ZNF579: variants seen among roughly 807,000 people sequenced by gnomAD.
The protein encoded by ZNF579 is zinc finger protein 579.
In ZNF579, 3 loss-of-function variants were observed where a neutral mutation model predicts 5.7. The ratio of observed to expected loss-of-function variants is 0.53; its 90% CI spans 0.24 to 1.36. The LOEUF is 1.36. ZNF579 is among the 40% of genes most tolerant of loss of function. The pLI is 0.16. For synonymous variants in ZNF579, 454 were observed against 409.0 expected (o/e 1.11, Z -1.33); for missense variants, 679 against 877.6 (o/e 0.77, Z 2.86).
rs1043189946 is a variant in ZNF579, at chr19:55,579,432, G to A, written c.208C>T (p.Arg70Trp). Residue 70 changes from arginine to tryptophan, a missense_variant, in exon 2 of 2, where the codon CGG becomes TGG. Around this residue, in one of 6 missense-constraint regions of ZNF579, gnomAD observed 134 missense variants for 208.9 expected, o/e 0.64. Transcript: ENST00000325421. ...GGGCACAGCGGGCAGGCGTGGGGCC[G>A]GAGCCCCGAGTGGCTCAGCCGGTGC... ...SRHRLSHSGL[R>W]PHACPLCPKA... 3.0e-6 allele frequency: 4 copies of A among 1,336,438 alleles called. No homozygotes were observed. The highest frequency in any genetic ancestry group is 3.8e-6 in the Non-Finnish European group (4 of 1,041,660). 82.8% of individuals were successfully genotyped at this position (1,336,438 alleles called of 1,614,324 possible).
chr19:55,579,001 C>T lies in ZNF579; in HGVS notation c.639G>A (p.Ala213=). The T allele has an allele frequency of 6.5e-7, 1 of 1,531,552 alleles. No homozygotes were observed. The highest frequency in any genetic ancestry group is 1.2e-5 in the South Asian group (1 of 83,232). 94.9% of individuals were successfully genotyped at this position (1,531,552 alleles called of 1,614,324 possible). ...CCTGTTTCTCCTCCTGCCGCCCGGC[C>T]GCCAGCGCCAGCTCGGCCCTCAGCT... ...AAELRAELAL[A]AGRQEEKQVL... Residue 213 remains alanine (A), a synonymous_variant, in exon 2 of 2, where the codon GCG becomes GCA. Transcript: ENST00000325421.
chr19:55,578,393 C>G lies in ZNF579; in HGVS notation c.1247G>C (p.Arg416Pro). The change falls in exon 2 of 2, where the codon CGC becomes CCC. Residue 416 changes from arginine (R) to proline (P), a missense_variant. Arg to Pro is a moderately radical substitution (Grantham distance 103, BLOSUM62 -2). Coordinates refer to ENST00000325421, the MANE Select transcript of ZNF579 (RefSeq NM_152600.3). ...HSGARPFQCV[R>P]CQREFKRLAD... is the part of the protein sequence containing the mutation. ...CAGGCGCTTGAACTCCCGCTGGCAG[C>G]GCACGCACTGGAAGGGGCGCGCTCC... is the stretch of plus-strand genomic sequence containing the variant. The G allele has an allele frequency of 6.8e-7, 1 of 1,474,606 alleles. No homozygotes were observed. The highest frequency in any genetic ancestry group is 8.9e-7 in the Non-Finnish European group (1 of 1,121,464). 91.3% of individuals were successfully genotyped at this position (1,474,606 alleles called of 1,614,324 possible). A position where few individuals can be genotyped will look rare whatever the true frequency, so the allele number is the denominator to read the frequency against.
At position 55,578,199 on chromosome 19, in the gene ZNF579, G is replaced by A. The variant is rs377689274; in HGVS notation, c.1441C>T (p.Pro481Ser). ...GGCGGGGGCGGTGGCGGCGACGTCG[G>A]GGCCTGGGCCTGCAGTGCCTGCAGC... ...AALQALQAQA[P>S]TSPPPPPPPL... is the part of the protein sequence containing the mutation. Residue 481 changes from proline to serine, a missense_variant, in exon 2 of 2, where the codon CCG becomes TCG. By Grantham distance (74) the Pro-to-Ser change is moderately conservative. Transcript: ENST00000325421. The A allele has an allele frequency of 1.3e-4, 193 of 1,480,500 alleles. 1 individual carries two copies. The Middle Eastern group carries it at 5.0e-3, about 38-fold the overall frequency. 91.7% of individuals were successfully genotyped at this position (1,480,500 alleles called of 1,614,324 possible). A position where few individuals can be genotyped will look rare whatever the true frequency, so the allele number is the denominator to read the frequency against.
intron 1 of ZNF579, 33 bp downstream of exon 1, chr19:55,580,762 G>A (rs906648237): frequency 3.3e-5 from 5 of 152,548 alleles, no homozygotes; most frequent in Admixed American, 2.6e-4. Context: ...TGGGCCTGGG[G>A]CTTGGTCCTG....
At chr19:55,579,803 C>T (rs1979587030) in intron 1 of ZNF579, 162 bp from the exon 2 acceptor site, 1 of 736,428 alleles carries the variant, frequency 1.4e-6, no homozygotes, top group Non-Finnish European at 1.9e-6. Context: ...ATGAGAGACA[C>T]CGAGGGGAGG....
Position 55,578,854 on chromosome 19 carries a change from C to T in ZNF579, c.786G>A (p.Gly262=). Residue 262 remains glycine (G), a synonymous_variant, in exon 2 of 2, where the codon GGG becomes GGA. Coordinates refer to ENST00000325421, the MANE Select transcript of ZNF579 (RefSeq NM_152600.3). The part of the protein sequence containing the change: ...RPEGEQEGEG[G]PPPRPKRHQC... ...GGTGTCGCTTGGGGCGTGGCGGGGG[C>T]CCCCCTTCCCCTTCCTGTTCGCCCT... The T allele has an allele frequency of 2.5e-6, 4 of 1,581,636 alleles. No individual in the cohort carries two copies. Among genetic ancestry groups the T allele is most frequent in the Non-Finnish European group, 3.4e-6 (4 of 1,164,706 alleles).
chr19:55,579,052 C>A lies in ZNF579; in HGVS notation c.588G>T (p.Ser196=). The change falls in exon 2 of 2, where the codon TCG becomes TCT. Residue 196 remains serine, a synonymous_variant. Transcript: ENST00000325421. ...TSAAEPRESE[S]EEAEAGAAEL... ...CTGCTGCCCCGGCCTCGGCCTCCTC[C>A]GACTCCGACTCCCGGGGCTCCGCGG... 6.5e-7 allele frequency: 1 copy of A among 1,529,928 alleles called. No individual in the cohort carries two copies. The highest frequency in any genetic ancestry group is 8.7e-7 in the Non-Finnish European group (1 of 1,144,594). 94.8% of individuals were successfully genotyped at this position (1,529,928 alleles called of 1,614,324 possible). A position where few individuals can be genotyped will look rare whatever the true frequency, so the allele number is the denominator to read the frequency against.
At position 55,579,107 on chromosome 19, in the gene ZNF579, TC is replaced by T; in HGVS notation, c.532del (p.Glu178SerfsTer29). On this transcript the variant is annotated frameshift_variant, in exon 2 of 2. Transcript: ENST00000325421. LOFTEE classifies it low-confidence loss of function (END_TRUNC). ...AAWPETWPAG[E>X]PSTLAAPTSA... ...GGTGGGCGCAGCCAGCGTGGAAGGCTCCCCCGCAGGCCACGTCTCAGGCCAC... is the reference window on the plus strand; with the variant it reads ...GGTGGGCGCAGCCAGCGTGGAAGGCTCCCCGCAGGCCACGTCTCAGGCCAC... 2 of 1,526,850 alleles carry T rather than the reference TC, an allele frequency of 1.3e-6. No individual in the cohort carries two copies. Among genetic ancestry groups the T allele is most frequent in the East Asian group, 2.5e-5 (1 of 40,100 alleles). 94.6% of individuals were successfully genotyped at this position (1,526,850 alleles called of 1,614,324 possible). A position where few individuals can be genotyped will look rare whatever the true frequency, so the allele number is the denominator to read the frequency against.
chr19:55,577,670 C>CGGGG lies in ZNF579; in HGVS notation c.*280_*281insCCCC. ...ACGGGGGACAGGGAGGCGGGGGCGTCCCCACCAGTCTCCATCCCTCTGGCC... is the reference window on the plus strand; with the variant it reads ...ACGGGGGACAGGGAGGCGGGGGCGTCGGGGCCCACCAGTCTCCATCCCTCTGGCC... On this transcript the variant is annotated 3_prime_UTR_variant, in exon 2 of 2. Transcript: ENST00000325421. 2.2e-6 allele frequency: 1 copy of CGGGG among 449,414 alleles called. No homozygotes were observed. Among genetic ancestry groups the CGGGG allele is most frequent in the South Asian group, 2.8e-5 (1 of 36,250 alleles). 27.8% of individuals were successfully genotyped at this position (449,414 alleles called of 1,614,324 possible).
chr19:55,579,176 G>C lies in ZNF579; in HGVS notation c.464C>G (p.Thr155Ser). ...CTCCGTGGCCCCTGCTGCAGCGGTG[G>C]TGGGCGGCTCCGAGCCCTCGTCCTG... is the stretch of plus-strand genomic sequence containing the variant. ...GPQDEGSEPP[T>S]TAAAGATEEE... Residue 155 changes from threonine to serine, a missense_variant, in exon 2 of 2, where the codon ACC becomes AGC. By Grantham distance (58) the Thr-to-Ser change is moderately conservative. Transcript: ENST00000325421. 1 of 1,525,752 alleles carries C rather than the reference G, an allele frequency of 6.6e-7. No individual in the cohort carries two copies. Among genetic ancestry groups the C allele is most frequent in the Non-Finnish European group, 8.8e-7 (1 of 1,142,222 alleles). 94.5% of individuals were successfully genotyped at this position (1,525,752 alleles called of 1,614,324 possible).
chr19:55,578,867 T>G lies in ZNF579; in HGVS notation c.773A>C (p.Glu258Ala). 6.3e-7 allele frequency: 1 copy of G among 1,598,464 alleles called. No homozygotes were observed. The highest frequency in any genetic ancestry group is 8.5e-7 in the Non-Finnish European group (1 of 1,172,404). Residue 258 changes from glutamate to alanine, a missense_variant, in exon 2 of 2, where the codon GAA (glutamate) becomes GCA (alanine). Glu to Ala is a moderately radical substitution (Grantham distance 107, BLOSUM62 -1). Around this residue, in one of 6 missense-constraint regions of ZNF579, gnomAD observed 209 missense variants for 223.4 expected, o/e 0.94. Transcript: ENST00000325421. Reference protein sequence around the residue: ...HPCLRPEGEQEGEGGPPPRPK... With the variant: ...HPCLRPEGEQAGEGGPPPRPK... ...GCGTGGCGGGGGCCCCCCTTCCCCT[T>G]CCTGTTCGCCCTCGGGGCGCAGACA...
chr19:55,578,880 C>T lies in ZNF579; in HGVS notation c.760G>A (p.Glu254Lys), dbSNP rs561063656. 6.3e-7 allele frequency: 1 copy of T among 1,596,052 alleles called. No individual in the cohort carries two copies. Among genetic ancestry groups the T allele is most frequent in the Admixed American group, 1.7e-5 (1 of 57,806 alleles). ...CCCCCTTCCCCTTCCTGTTCGCCCTCGGGGCGCAGACACGGGTGCGCCTTG... is the reference window on the plus strand; with the variant it reads ...CCCCCTTCCCCTTCCTGTTCGCCCTTGGGGCGCAGACACGGGTGCGCCTTG... ...ELKAHPCLRPEGEQEGEGGPP... is the reference protein window; with the variant it reads ...ELKAHPCLRPKGEQEGEGGPP... The change falls in exon 2 of 2, where the codon GAG becomes AAG. Residue 254 changes from glutamate to lysine, a missense_variant. Glu to Lys is a moderately conservative substitution (Grantham distance 56, BLOSUM62 1). Coordinates refer to ENST00000325421, the MANE Select transcript of ZNF579 (RefSeq NM_152600.3).
Position 55,577,082 on chromosome 19 carries a change from CA to C in ZNF579, c.*868del, listed in dbSNP as rs1979391753. ...GAGCTATGACTGCACCACGGCACTG[CA>C]GCTTGGGCAACAGAGTGAGGGAAGA... On this transcript the variant is annotated 3_prime_UTR_variant, in exon 2 of 2. Transcript: ENST00000325421. 6.6e-6 allele frequency: 1 copy of C among 152,028 alleles called. No homozygotes were observed. The highest frequency in any genetic ancestry group is 6.6e-5 in the Admixed American group (1 of 15,244). 9.4% of individuals were successfully genotyped at this position (152,028 alleles called of 1,614,324 possible).
rs1468260543 is a variant in ZNF579 at position 55,577,771 on chromosome 19, CA to C, written c.*179del. On this transcript the variant is annotated 3_prime_UTR_variant, in exon 2 of 2. Transcript: ENST00000325421. ...GGGGTGAGCGGTTCCTAACCAGCAT[CA>C]GGGGTTCTGGGGGCGGGCGATGGGG... 7 of 1,195,914 alleles carry C rather than the reference CA, an allele frequency of 5.9e-6. No individual in the cohort carries two copies. In the African/African-American group the frequency reaches 6.2e-5, roughly 11 times the overall value. 74.1% of individuals were successfully genotyped at this position (1,195,914 alleles called of 1,614,324 possible).
At chr19:55,579,671 C>T in intron 1 of ZNF579, 30 bp from the exon 2 acceptor site, 6 of 1,403,684 alleles carry the variant, frequency 4.3e-6, no homozygotes, top group South Asian at 1.5e-5. Flanking sequence ...AGATGGGAAG[C>T]GGGGCAGAGA....
At chr19:55,579,795 G>A in intron 1 of ZNF579, 154 bp from the exon 2 acceptor site, 1 of 802,294 alleles carries the variant, frequency 1.2e-6, no homozygotes, top group Non-Finnish European at 1.7e-6. Flanking sequence ...AGACAAAGAT[G>A]AGAGACACCG....
chr19:55,576,842 G>A lies in ZNF579; in HGVS notation c.*1109C>T, dbSNP rs1404075727. On this transcript the variant is annotated 3_prime_UTR_variant, in exon 2 of 2. Transcript: ENST00000325421. ...CATTTCCATATTCTAAATTTAAACG[G>A]AAATAGCCACGTGTGTCTGCTGGAT... 3 of 152,076 alleles carry A rather than the reference G, an allele frequency of 2.0e-5. No homozygotes were observed. The highest frequency in any genetic ancestry group is 4.4e-5 in the Non-Finnish European group (3 of 68,018). 9.4% of individuals were successfully genotyped at this position (152,076 alleles called of 1,614,324 possible). A position where few individuals can be genotyped will look rare whatever the true frequency, so the allele number is the denominator to read the frequency against.
Position 55,578,654 on chromosome 19 carries a change from A to G in ZNF579, c.986T>C (p.Leu329Pro). Residue 329 changes from leucine to proline, a missense_variant, in exon 2 of 2, where the codon CTG becomes CCG. Transcript: ENST00000325421. ...GTCGTCCTTCTTGCCCGCCGCGGGC[A>G]GCGGGGCCAGCAGGCTGAGGGGGCC... ...VHGPLSLLAPLPAAGKKDDKA... is the reference protein window; with the variant it reads ...VHGPLSLLAPPPAAGKKDDKA... 6.5e-7 allele frequency: 1 copy of G among 1,529,644 alleles called. No homozygotes were observed. The highest frequency in any genetic ancestry group is 8.7e-7 in the Non-Finnish European group (1 of 1,149,170). 94.8% of individuals were successfully genotyped at this position (1,529,644 alleles called of 1,614,324 possible). A position where few individuals can be genotyped will look rare whatever the true frequency, so the allele number is the denominator to read the frequency against.
intron 1 of ZNF579, among the ~76,000 whole-genome samples, 184 bp downstream of exon 1, chr19:55,580,611 G>T (rs951942415): frequency 6.6e-6 from 1 of 151,522 alleles, no homozygotes; most frequent in Non-Finnish European, 1.5e-5. Context: ...CGGACCCCTG[G>T]ACTCGGGAGG....
Sources: allele counts gnomAD v4.1 joint callset (sites outside exome capture counted in the v4.1 genomes callset), GRCh38; gene constraint gnomAD v4.1.1; regional missense constraint gnomAD v4.1.1; transcripts MANE v1.5; gene names NCBI Gene and HGNC (gene_info 2026-07-23, HGNC 2026-07-21).